Variants in NXPE2 observed in about 807,000 individuals in gnomAD.
NXPE2 encodes neurexophilin and PC-esterase domain family member 2, also known as NXPE family member 2.
Under a neutral mutation model 34.4 loss-of-function variants are expected in NXPE2, and 34 were observed. That is an observed-to-expected ratio of 0.99 (90% CI 0.75 to 1.31). The LOEUF (loss-of-function observed/expected upper bound fraction) is 1.31, where lower values mean the gene tolerates loss of function less well. Ranked by LOEUF, NXPE2 falls within the 40% of genes most tolerant of loss-of-function variation. The pLI is 0.00. For missense variants in NXPE2, 649 were observed against 672.5 expected, an observed-to-expected ratio of 0.97 and a Z score of 0.39; for synonymous variants, 235 against 231.3, an observed-to-expected ratio of 1.02 and a Z score of -0.15.
the NXPE2 span, among the ~76,000 whole-genome samples, chr11:114,757,074 T>A: frequency 6.6e-6 from 1 of 152,120 alleles, no homozygotes; most frequent in Admixed American, 6.5e-5. Flanking sequence ...AGCGTTCTTC[T>A]CAACACTGTA....
At chr11:114,552,930 G>C in the NXPE2 span, 2 of 817,374 alleles carry the variant, frequency 2.4e-6, no homozygotes, top group Non-Finnish European at 1.5e-6. Flanking sequence ...ATTTATGTTG[G>C]ATTAGAATAC....
the NXPE2 span, among the ~76,000 whole-genome samples, chr11:114,807,160 C>G: frequency 1.3e-5 from 2 of 149,276 alleles, no homozygotes; most frequent in African/African-American, 4.9e-5. Flanking sequence ...TTGTCACCAC[C>G]AGGCCTGCCC....
chr11:114,514,484 G>A, the NXPE2 span, among the ~76,000 whole-genome samples: 266 of 151,996 alleles, frequency 1.8e-3, 1 homozygote, highest in Middle Eastern at 0.024. Flanking sequence ...CCATCTCCTG[G>A]GCTCAAGTGA....
At chr11:114,583,045 T>C in the NXPE2 span, 1 of 1,583,670 alleles carries the variant, frequency 6.3e-7, no homozygotes, top group Non-Finnish European at 8.6e-7. Context: ...AAATGTGACA[T>C]GAGATGGATA....
At chr11:114,780,927 T>C in the NXPE2 span, among the ~76,000 whole-genome samples, 1 of 150,064 alleles carries the variant, frequency 6.7e-6, no homozygotes, top group Non-Finnish European at 1.5e-5. Context: ...GGGAGGAGAG[T>C]GATGAGGGGT....
the NXPE2 span, among the ~76,000 whole-genome samples, chr11:114,750,536 A>C: frequency 6.6e-6 from 1 of 152,152 alleles, no homozygotes; most frequent in Non-Finnish European, 1.5e-5. Context: ...CTAATTCTTA[A>C]ATTTCCCCAT....
chr11:114,570,226 T>C, the NXPE2 span, among the ~76,000 whole-genome samples: 1 of 152,150 alleles, frequency 6.6e-6, no homozygotes, highest in Admixed American at 6.5e-5. Context: ...TTTTGGTCTC[T>C]CCAGTCTTTG....
chr11:114,636,286 AT>A, the NXPE2 span, among the ~76,000 whole-genome samples: 3 of 151,942 alleles, frequency 2.0e-5, no homozygotes, highest in Non-Finnish European at 4.4e-5. Flanking sequence ...GGTAGTTTGT[AT>A]TTCTGTGAGA....
chr11:114,745,319 G>A, the NXPE2 span, among the ~76,000 whole-genome samples: 1 of 152,152 alleles, frequency 6.6e-6, no homozygotes, highest in Admixed American at 6.6e-5. Context: ...AAGGCAAAAG[G>A]GAGCTTGCTT....
the NXPE2 span, among the ~76,000 whole-genome samples, chr11:114,512,318 C>G: frequency 6.6e-6 from 1 of 152,202 alleles, no homozygotes; most frequent in East Asian, 1.9e-4. Flanking sequence ...TCTTTTGTCA[C>G]TTTCCCCCTG....
chr11:114,513,591 A>G, the NXPE2 span, among the ~76,000 whole-genome samples: 2 of 152,344 alleles, frequency 1.3e-5, no homozygotes, highest in African/African-American at 2.4e-5. Flanking sequence ...AAAATTGGCC[A>G]TAATTAAAAT....
At chr11:114,555,844 G>A in the NXPE2 span, among the ~76,000 whole-genome samples, 2 of 152,302 alleles carry the variant, frequency 1.3e-5, no homozygotes, top group Admixed American at 1.3e-4. Flanking sequence ...CATCAAGGTT[G>A]CATTTATCAG....
chr11:114,629,225 A>G, the NXPE2 span, among the ~76,000 whole-genome samples: 3 of 152,096 alleles, frequency 2.0e-5, no homozygotes, highest in African/African-American at 7.2e-5. Context: ...ACCAAAAAAG[A>G]ATTTTAGACC....
chr11:114,783,434 C>T, the NXPE2 span, among the ~76,000 whole-genome samples: 1 of 152,148 alleles, frequency 6.6e-6, no homozygotes, highest in Non-Finnish European at 1.5e-5. Flanking sequence ...AAAGCCAGAT[C>T]ACCCCAGAGC....
the NXPE2 span, among the ~76,000 whole-genome samples, chr11:114,794,103 C>G: frequency 6.6e-6 from 1 of 152,158 alleles, no homozygotes; most frequent in Non-Finnish European, 1.5e-5. Context: ...AAGCACAAAT[C>G]TAATTTAGCA....
chr11:114,582,891 A>G, the NXPE2 span: 4 of 1,613,988 alleles, frequency 2.5e-6, no homozygotes, highest in Non-Finnish European at 3.4e-6. Flanking sequence ...TAGTTTCTCT[A>G]TGATTTCCTT....
the NXPE2 span, among the ~76,000 whole-genome samples, chr11:114,653,391 C>T: frequency 3.3e-5 from 5 of 152,166 alleles, no homozygotes; most frequent in African/African-American, 1.2e-4. Context: ...AATAAACCAT[C>T]TATTTTTTTT....
the NXPE2 span, among the ~76,000 whole-genome samples, chr11:114,580,784 T>G: frequency 3.3e-5 from 5 of 152,054 alleles, no homozygotes. Flanking sequence ...TAAAAAATAT[T>G]AACAACTAGT....
the NXPE2 span, among the ~76,000 whole-genome samples, chr11:114,599,285 C>T: frequency 6.6e-6 from 1 of 152,300 alleles, no homozygotes; most frequent in East Asian, 1.9e-4. Context: ...TCCTCATCTC[C>T]TTCTGAGACC....
Sources: gnomAD v4.1 joint callset for allele counts (sites outside exome capture counted in the v4.1 genomes callset) on GRCh38, gnomAD v4.1.1 for gene constraint, MANE v1.5 for transcripts, NCBI Gene and HGNC (gene_info 2026-07-23, HGNC 2026-07-21) for gene names.